Variants in LYST observed in about 807,000 individuals in gnomAD.
LYST encodes lysosomal trafficking regulator.
Under a neutral mutation model 413.6 loss-of-function variants are expected in LYST, and 192 were observed. The ratio of observed to expected loss-of-function variants is 0.46; its 90% CI spans 0.41 to 0.52. The LOEUF is 0.52. Ranked by LOEUF, LYST falls within the 20% of genes least tolerant of loss-of-function variation. LYST has a pLI of 0.00. For missense variants in LYST, 3,815 were observed against 4,499.9 expected (o/e 0.85, Z 4.35); for synonymous variants, 1,525 against 1,567.3 (o/e 0.97, Z 0.64).
chr1:235,851,446 G>C (rs1261305360), intron 1 of LYST, among the ~76,000 whole-genome samples: 10 of 151,886 alleles, frequency 6.6e-5, no homozygotes, highest in South Asian at 2.1e-4. Context: ...TACAAATATG[G>C]TACAGTGTAT....
intron 50 of LYST, among the ~76,000 whole-genome samples, chr1:235,673,921 G>A (rs575514714): frequency 2.0e-5 from 3 of 152,302 alleles, no homozygotes; most frequent in African/African-American, 7.2e-5. Context: ...TTAAATAAAA[G>A]CGATTGTTGC....
intron 48 of LYST, among the ~76,000 whole-genome samples, chr1:235,684,317 A>T (rs1210915897): frequency 6.6e-6 from 1 of 152,208 alleles, no homozygotes; most frequent in Non-Finnish European, 1.5e-5. Flanking sequence ...AAGGCTGTTC[A>T]AAGTGTTGGC....
intron 28 of LYST, chr1:235,747,396 A>G (rs962620244): frequency 1.1e-5 from 3 of 274,088 alleles, no homozygotes; most frequent in Non-Finnish European, 2.3e-5. Context: ...AATTACTTAC[A>G]TATGACTAAA....
chr1:235,877,688 G>A (rs1011864899), intron 1 of LYST, among the ~76,000 whole-genome samples: 3 of 152,090 alleles, frequency 2.0e-5, no homozygotes, highest in Admixed American at 1.3e-4. Context: ...TTACAAGCGT[G>A]AGCCACCGCG....
At chr1:235,728,544 G>A (rs1281629311) in intron 37 of LYST, among the ~76,000 whole-genome samples, 1 of 152,132 alleles carries the variant, frequency 6.6e-6, no homozygotes, top group Non-Finnish European at 1.5e-5. Flanking sequence ...CTAGCCAAAG[G>A]GAAATCCTTA....
At position 235,806,027 on chromosome 1, in the gene LYST, C is replaced by T. The variant is rs1481538872; in HGVS notation, c.3109G>A (p.Asp1037Asn). 2 of 1,613,906 alleles carry T rather than the reference C, an allele frequency of 1.2e-6. No homozygotes were observed. Among genetic ancestry groups the T allele is most frequent in the Admixed American group, 1.7e-5 (1 of 59,996 alleles). ...ISQPKRTMKE[D>N]LLSLAIKSDP... ...CTTTTTATAGCCAAAGATAATAAAT[C>T]TTCCTTCATAGTTCTCTTAGGTTGA... The change falls in exon 6 of 53, where the codon GAT becomes AAT. Residue 1037 changes from aspartate to asparagine, a missense_variant. By Grantham distance (23) the Asp-to-Asn change is conservative (BLOSUM62 1). Around this residue, in one of 4 missense-constraint regions of LYST, gnomAD observed 1,648 missense variants for 1,810.3 expected, o/e 0.91. Coordinates refer to ENST00000389793, the MANE Select transcript of LYST (RefSeq NM_000081.4).
intron 1 of LYST, among the ~76,000 whole-genome samples, chr1:235,872,517 G>A (rs371406880): frequency 1.3e-5 from 2 of 152,172 alleles, no homozygotes; most frequent in African/African-American, 4.8e-5. Context: ...GCATCTGTGT[G>A]CAGCATTCCT....
chr1:235,761,555 G>C (rs1667584327), intron 22 of LYST, among the ~76,000 whole-genome samples: 1 of 152,122 alleles, frequency 6.6e-6, no homozygotes, highest in East Asian at 1.9e-4. Context: ...AAAAATTACA[G>C]GGCAGCCTTT....
intron 3 of LYST, among the ~76,000 whole-genome samples, chr1:235,827,083 G>A (rs1269445253): frequency 6.6e-6 from 1 of 152,070 alleles, no homozygotes; most frequent in Non-Finnish European, 1.5e-5. Context: ...CTATTAATAA[G>A]CTGGGCGCAG....
intron 50 of LYST, among the ~76,000 whole-genome samples, chr1:235,668,299 C>T (rs1015263800): frequency 3.3e-5 from 5 of 152,088 alleles, no homozygotes; most frequent in African/African-American, 1.2e-4. Context: ...TTCTTTCCTT[C>T]TTGGCCTACA....
intron 44 of LYST, among the ~76,000 whole-genome samples, chr1:235,705,324 T>G (rs1661890769): frequency 6.6e-6 from 1 of 152,134 alleles, no homozygotes; most frequent in African/African-American, 2.4e-5. Flanking sequence ...TCCCAAAGAA[T>G]TAGTGAAAAA....
intron 25 of LYST, among the ~76,000 whole-genome samples, chr1:235,754,348 T>A (rs1254581518): frequency 6.7e-6 from 1 of 148,438 alleles, no homozygotes; most frequent in Non-Finnish European, 1.5e-5. Flanking sequence ...TTCTCCTGCC[T>A]CAGCCTCTCA....
Position 235,810,551 on chromosome 1 carries a change from A to C in LYST, c.284-17T>G. 1 of 1,603,958 alleles carries C rather than the reference A, an allele frequency of 6.2e-7. No homozygotes were observed. The highest frequency in any genetic ancestry group is 8.5e-7 in the Non-Finnish European group (1 of 1,177,152). On this transcript the variant is annotated splice_polypyrimidine_tract_variant and intron_variant, in intron 4 of 52. Coordinates refer to ENST00000389793, the MANE Select transcript of LYST (RefSeq NM_000081.4). ...GGTTAAAATCTAATGGAATGAAAAA[A>C]GAAGGCTTAGAATACCTCAATATGT...
chr1:235,787,177 C>T (rs1670516014), intron 14 of LYST, 23 bp downstream of exon 14: 2 of 1,578,656 alleles, frequency 1.3e-6, no homozygotes, highest in African/African-American at 1.3e-5. Flanking sequence ...GATTGAGATG[C>T]ATTTTCTCAA....
chr1:235,731,140 A>G lies in LYST; in HGVS notation c.8839T>C (p.Trp2947Arg). The stretch of plus-strand genomic sequence containing the variant: ...GGCCCTTCTGTTGGATCCAACTGCC[A>G]TGAGGTTGGATAGTAGATGGGGTCA... Reference protein sequence around the residue: ...WYDPIYYPTSWQLDPTEGPNR... With the variant: ...WYDPIYYPTSRQLDPTEGPNR... Residue 2947 changes from tryptophan to arginine, a missense_variant, in exon 35 of 53, where the codon TGG becomes CGG. By Grantham distance (101) the Trp-to-Arg change is moderately radical. Around this residue, in one of 4 missense-constraint regions of LYST, gnomAD observed 866 missense variants for 1,156.0 expected, o/e 0.75. Transcript: ENST00000389793. The G allele has an allele frequency of 1.2e-6, 2 of 1,613,864 alleles. No homozygotes were observed. The highest frequency in any genetic ancestry group is 1.1e-5 in the South Asian group (1 of 91,084).
At chr1:235,776,196 T>TA (rs1244875152) in intron 17 of LYST, among the ~76,000 whole-genome samples, 2 of 151,992 alleles carry the variant, frequency 1.3e-5, no homozygotes, top group Non-Finnish European at 2.9e-5. Flanking sequence ...GACACTAGAT[T>TA]AAAAAAACTA....
In LYST at chr1:235,777,093, T is replaced by G; in HGVS notation, c.5430A>C (p.Gly1810=). The change falls in exon 17 of 53, where the codon GGA becomes GGC. Residue 1810 remains glycine (G), a synonymous_variant. Coordinates refer to ENST00000389793, the MANE Select transcript of LYST (RefSeq NM_000081.4). ...CAAAGAGAAAAACAAATATGCCAGT[T>G]CCACCAATTTCGTGCAGAATGCCTT... ...TIQGILHEIG[G]TGIFVFLFAR... 6.2e-7 allele frequency: 1 copy of G among 1,613,584 alleles called. No homozygotes were observed. Among genetic ancestry groups the G allele is most frequent in the Non-Finnish European group, 8.5e-7 (1 of 1,179,650 alleles).
chr1:235,747,154 T>G (rs1018874981), intron 28 of LYST: 11 of 401,142 alleles, frequency 2.7e-5, no homozygotes, highest in African/African-American at 6.4e-5. Flanking sequence ...GTGGCATTCC[T>G]GCACCATTAC....
chr1:235,870,831 TG>T (rs1461420579), upstream of LYST, among the ~76,000 whole-genome samples: 5 of 152,226 alleles, frequency 3.3e-5, no homozygotes, highest in African/African-American at 1.2e-4. Context: ...AAGAAAATTT[TG>T]TTGAAAATTC....
Sources: allele counts gnomAD v4.1 joint callset (sites outside exome capture counted in the v4.1 genomes callset), GRCh38; gene constraint gnomAD v4.1.1; regional missense constraint gnomAD v4.1.1; transcripts MANE v1.5; gene names NCBI Gene and HGNC (gene_info 2026-07-23, HGNC 2026-07-21).